The following CEP78 variants were observed in gnomAD, a reference collection of about 807,000 sequenced individuals.
CEP78 encodes the protein centrosomal protein 78, also known as centrosomal protein of 78 kDa.
In CEP78, 76 loss-of-function variants were observed where a neutral mutation model predicts 81.2. The observed-to-expected ratio is 0.94, with a 90% CI of 0.78 to 1.13. The LOEUF (loss-of-function observed/expected upper bound fraction) is 1.13, where lower values mean the gene tolerates loss of function less well. CEP78 is among the 50% of genes most tolerant of loss of function. The pLI is 0.00. For synonymous variants in CEP78, 293 were observed against 301.4 expected, an observed-to-expected ratio of 0.97 and a Z score of 0.29; for missense variants, 918 against 846.8, an observed-to-expected ratio of 1.08 and a Z score of -1.04.
chr9:78,278,977 G>A lies in CEP78; in HGVS notation c.*8126G>A, dbSNP rs1827855002. 1 of 150,982 alleles carries A rather than the reference G, an allele frequency of 6.6e-6. No homozygotes were observed. The highest frequency in any genetic ancestry group is 2.4e-5 in the African/African-American group (1 of 40,862). The allele number at this position is 150,982 out of a possible 1,614,324, so 9.4% of individuals were successfully genotyped here. ...GAAGGTATGGCTGGCTGCTCACAAA[G>A]GCACATAGTGAGTGATAGGGGCTGA... On this transcript the variant is annotated 3_prime_UTR_variant, in exon 17 of 17. Coordinates refer to ENST00000643273, the MANE Select transcript of CEP78 (RefSeq NM_001330691.3).
intron 15 of CEP78, 109 bp downstream of exon 15, chr9:78,266,015 C>A: frequency 1.6e-6 from 1 of 640,888 alleles, no homozygotes; most frequent in Non-Finnish European, 2.9e-6. Context: ...AACCTGTCTG[C>A]CACAGGAGTC....
chr9:78,263,496 A>T (rs1827371814), intron 12 of CEP78, among the ~76,000 whole-genome samples: 1 of 152,202 alleles, frequency 6.6e-6, no homozygotes, highest in Non-Finnish European at 1.5e-5. Flanking sequence ...ATTATTACAA[A>T]GCAAGTTTAA....
rs1827808885 is a variant in CEP78 at position 78,276,573 on chromosome 9, T to G, written c.*5722T>G. On this transcript the variant is annotated 3_prime_UTR_variant, in exon 17 of 17. Transcript: ENST00000643273. ...TGCTATTACAGCTAATAAAGCTGAA[T>G]AAGGAGGCTGTGCACAACACCAACA... 1 of 151,710 alleles carries G rather than the reference T, an allele frequency of 6.6e-6. No homozygotes were observed. 9.4% of individuals were successfully genotyped at this position (151,710 alleles called of 1,614,324 possible).
chr9:78,257,087 A>G (rs17064261), intron 11 of CEP78, among the ~76,000 whole-genome samples: 2,918 of 151,952 alleles, frequency 0.019, 85 homozygotes, highest in African/African-American at 0.066. Context: ...ACAGAAAAAA[A>G]TGGATGGAAG....
intron 9 of CEP78, 37 bp from the exon 10 acceptor site, chr9:78,253,195 C>A (rs944589577): frequency 1.4e-5 from 13 of 900,550 alleles, no homozygotes; most frequent in Non-Finnish European, 2.2e-5. Context: ...GGTGTATTTA[C>A]ATCAAAATAT....
chr9:78,246,134 AGGG>A (rs1192642657), intron 5 of CEP78, among the ~76,000 whole-genome samples: 4 of 152,188 alleles, frequency 2.6e-5, no homozygotes, highest in Non-Finnish European at 5.9e-5. Flanking sequence ...TTGGTACTAA[AGGG>A]AGGGTAATCA....
At chr9:78,253,350 T>A (rs1826855621) in intron 10 of CEP78, 73 bp downstream of exon 10, 2 of 774,326 alleles carry the variant, frequency 2.6e-6, no homozygotes, top group African/African-American at 3.4e-5. Flanking sequence ...TCTGTGCTCT[T>A]TAAATTGAAT....
intron 16 of CEP78, among the ~76,000 whole-genome samples, chr9:78,269,412 C>CATATGAAGACATGGAAATAAAGAATTTGA (rs1827642704): frequency 6.6e-6 from 1 of 152,144 alleles, no homozygotes; most frequent in African/African-American, 2.4e-5. Context: ...ATTGGATGTA[C>CATATGAAGACATGGAAATAAAGAATTTGA]ATATGAAGAC....
rs1827703787 is a variant in CEP78 at position 78,272,063 on chromosome 9, A to T, written c.*1212A>T. ...CCCCCTAGTAACTGGGATTACAGGC[A>T]CACACCACCATGCCTGGCTAATTTT... On this transcript the variant is annotated 3_prime_UTR_variant, in exon 17 of 17. Transcript: ENST00000643273. 1 of 152,258 alleles carries T rather than the reference A, an allele frequency of 6.6e-6. No homozygotes were observed. The highest frequency in any genetic ancestry group is 2.4e-5 in the African/African-American group (1 of 41,428). 9.4% of individuals were successfully genotyped at this position (152,258 alleles called of 1,614,324 possible).
intron 1 of CEP78, 99 bp downstream of exon 1, chr9:78,236,702 G>T: frequency 7.0e-7 from 1 of 1,435,906 alleles, no homozygotes; most frequent in Non-Finnish European, 9.2e-7. Flanking sequence ...AATAGAAGGG[G>T]TGTGCGGCCT....
Position 78,265,440 on chromosome 9 carries a change from T to G in CEP78, c.1694T>G (p.Met565Arg). The G allele has an allele frequency of 6.2e-7, 1 of 1,601,368 alleles. No individual in the cohort carries two copies. Among genetic ancestry groups the G allele is most frequent in the South Asian group, 1.1e-5 (1 of 88,392 alleles). Residue 565 changes from methionine (M) to arginine (R), a missense_variant, in exon 14 of 17, where the codon ATG becomes AGG. By Grantham distance (91) the Met-to-Arg change is moderately conservative. Transcript: ENST00000643273. ...SDFQLLGHPQ[M>R]TSTVSNPPKE... ...TTTCAATTACTAGGTCATCCCCAGA[T>G]GACTTCTACTGTTAGTAATCCACCT...
intron 11 of CEP78, among the ~76,000 whole-genome samples, chr9:78,260,813 G>A (rs1827241021): frequency 6.6e-6 from 1 of 152,010 alleles, no homozygotes; most frequent in Admixed American, 6.6e-5. Context: ...AGCATACTCG[G>A]GTTATTCCAT....
In CEP78 at chr9:78,253,255, G is replaced by T; in HGVS notation, c.1229G>T (p.Arg410Leu). The T allele has an allele frequency of 1.4e-6, 2 of 1,382,204 alleles. No individual in the cohort carries two copies. Among genetic ancestry groups the T allele is most frequent in the Non-Finnish European group, 2.0e-6 (2 of 981,844 alleles). 85.6% of individuals were successfully genotyped at this position (1,382,204 alleles called of 1,614,324 possible). ...AGGGGTTTCCCATTAATCAAAACAC[G>T]TGATATATGTAATCAGTTGCAGGTA... is the stretch of plus-strand genomic sequence containing the variant. ...RHRGFPLIKT[R>L]DICNQLQQPG... The change falls in exon 10 of 17, where the codon CGT becomes CTT. Residue 410 changes from arginine (R) to leucine (L), a missense_variant. Transcript: ENST00000643273.
At chr9:78,268,686 T>TC (rs1180689649) in intron 16 of CEP78, among the ~76,000 whole-genome samples, 2 of 148,368 alleles carry the variant, frequency 1.3e-5, no homozygotes, top group African/African-American at 2.5e-5. Flanking sequence ...TTTTCTTTTT[T>TC]TTTTTTTTTT....
chr9:78,263,361 G>C (rs889116665), intron 12 of CEP78, among the ~76,000 whole-genome samples: 2 of 152,008 alleles, frequency 1.3e-5, no homozygotes, highest in Non-Finnish European at 2.9e-5. Context: ...AATAAATAAG[G>C]TAAAAGATAA....
rs1308869028 is a variant in CEP78, at chr9:78,264,171, T to G, written c.1480T>G (p.Leu494Val). The G allele has an allele frequency of 5.4e-6, 8 of 1,484,496 alleles. No homozygotes were observed. The highest frequency in any genetic ancestry group is 7.2e-6 in the Non-Finnish European group (8 of 1,115,062). 92.0% of individuals were successfully genotyped at this position (1,484,496 alleles called of 1,614,324 possible). ...VSELEHENAQ[L>V]RNINFSLSEA... Reference sequence around the variant, plus strand: ...ATAGCTGGAACATGAAAATGCCCAGTTAAGAAATATAAATTTCTCTTTGTC... The same window carrying G: ...ATAGCTGGAACATGAAAATGCCCAGGTAAGAAATATAAATTTCTCTTTGTC... Residue 494 changes from leucine to valine, a missense_variant, in exon 13 of 17, where the codon TTA (leucine) becomes GTA (valine). Transcript: ENST00000643273.
At chr9:78,266,372 C>G (rs17064270) in intron 15 of CEP78, 70 bp from the exon 16 acceptor site, 5 of 1,124,580 alleles carry the variant, frequency 4.4e-6, no homozygotes, top group African/African-American at 3.1e-5. Flanking sequence ...ATAACATTGA[C>G]GTTTTGAACT....
At position 78,270,837 on chromosome 9, in the gene CEP78, C is replaced by G. The variant is rs1336228496; in HGVS notation, c.2108-4C>G. On this transcript the variant is annotated splice_region_variant and splice_polypyrimidine_tract_variant and intron_variant, in intron 16 of 16. Coordinates refer to ENST00000643273, the MANE Select transcript of CEP78 (RefSeq NM_001330691.3). ...TGACTGAACACATTCTTTTATGCTTCTAGAATCCCATTGAAATGACTGGAG... is the reference window on the plus strand; with the variant it reads ...TGACTGAACACATTCTTTTATGCTTGTAGAATCCCATTGAAATGACTGGAG... The G allele has an allele frequency of 1.4e-6, 1 of 694,056 alleles. No individual in the cohort carries two copies. The highest frequency in any genetic ancestry group is 2.6e-6 in the Non-Finnish European group (1 of 377,738). 43.0% of individuals were successfully genotyped at this position (694,056 alleles called of 1,614,324 possible).
intron 3 of CEP78, among the ~76,000 whole-genome samples, chr9:78,241,229 A>G (rs1046288870): frequency 3.3e-5 from 5 of 152,270 alleles, no homozygotes; most frequent in Admixed American, 3.3e-4. Flanking sequence ...TTGAGGGAGC[A>G]GAGAGTTAAA....
Sources: allele counts gnomAD v4.1 joint callset (sites outside exome capture counted in the v4.1 genomes callset), GRCh38; gene constraint gnomAD v4.1.1; transcripts MANE v1.5; gene names NCBI Gene and HGNC (gene_info 2026-07-23, HGNC 2026-07-21).